Variants in NDE1 observed in about 807,000 individuals in gnomAD.
NDE1 encodes the protein nuclear distribution protein nudE homolog 1.
Under a neutral mutation model 43.4 loss-of-function variants are expected in NDE1, and 28 were observed. The observed-to-expected ratio is 0.65, with a 90% confidence interval of 0.48 to 0.89. The LOEUF is 0.89. Ranked by LOEUF, NDE1 falls within the 40% of genes least tolerant of loss-of-function variation. The probability of loss-of-function intolerance (pLI) is 0.00; values close to 1 mark genes in which losing one functional copy is unlikely to be tolerated. For synonymous variants in NDE1, 184 were observed against 172.0 expected (o/e 1.07, Z -0.55); for missense variants, 441 against 434.1 (o/e 1.02, Z -0.14).
chr16:15,664,476 C>T (rs2037201495), intron 1 of NDE1, among the ~76,000 whole-genome samples: 1 of 152,076 alleles, frequency 6.6e-6, no homozygotes, highest in African/African-American at 2.4e-5. Flanking sequence ...CCTGCCTCAG[C>T]CTCCTGAGTA....
chr16:15,720,796 G>A (rs768483584), intron 8 of NDE1: 1 of 1,598,990 alleles, frequency 6.3e-7, no homozygotes, highest in East Asian at 2.2e-5. Flanking sequence ...GAATGAAAAA[G>A]GCCACCCGAC....
At chr16:15,685,141 C>A (rs910223904) in intron 4 of NDE1, among the ~76,000 whole-genome samples, 1 of 152,244 alleles carries the variant, frequency 6.6e-6, no homozygotes, top group Non-Finnish European at 1.5e-5. Context: ...CTGTACTACT[C>A]TACATATTAT....
intron 1 of NDE1, among the ~76,000 whole-genome samples, chr16:15,652,702 C>T (rs754955061): frequency 3.3e-5 from 5 of 152,104 alleles, no homozygotes; most frequent in African/African-American, 4.8e-5. Flanking sequence ...CTCACTCTGT[C>T]GCCCAAGCTG....
At chr16:15,705,445 A>G (rs748799237) in intron 8 of NDE1, among the ~76,000 whole-genome samples, 7 of 152,196 alleles carry the variant, frequency 4.6e-5, no homozygotes, top group Admixed American at 2.6e-4. Flanking sequence ...AGTGGGCAGA[A>G]GAAGGAAAAA....
chr16:15,711,208 C>G (rs1456930006), intron 8 of NDE1: 1 of 152,356 alleles, frequency 6.6e-6, no homozygotes, highest in Admixed American at 6.5e-5. Flanking sequence ...CCCTGTCTCA[C>G]GCAGTGGTCC....
At position 15,720,254 on chromosome 16, in the gene NDE1, G is replaced by A. The variant is rs767053316; in HGVS notation, c.948-3937G>A. The A allele has an allele frequency of 9.9e-6, 16 of 1,614,006 alleles. No individual in the cohort carries two copies. Among genetic ancestry groups the A allele is most frequent in the Non-Finnish European group, 1.3e-5 (15 of 1,180,018 alleles). ...GTCCCCTTCCAGCTTCTTCTTTGCT[G>A]CAGCTGCCAGGGCACGTTGCTTTCG... On this transcript the variant is annotated intron_variant, in intron 8 of 8. Coordinates refer to ENST00000396354, the MANE Select transcript of NDE1 (RefSeq NM_017668.3).
chr16:15,702,168 C>G (rs1487255740), intron 8 of NDE1: 3 of 152,168 alleles, frequency 2.0e-5, no homozygotes, highest in Admixed American at 2.0e-4. Flanking sequence ...CTGTCTGATC[C>G]CATGGAGTTG....
intron 8 of NDE1, among the ~76,000 whole-genome samples, chr16:15,722,543 T>C (rs1382258558): frequency 6.6e-6 from 1 of 152,168 alleles, no homozygotes; most frequent in Non-Finnish European, 1.5e-5. Flanking sequence ...CTACACTCTA[T>C]GTGACAGGAA....
At chr16:15,670,657 C>CAA (rs10717229) in intron 3 of NDE1, among the ~76,000 whole-genome samples, 55 of 128,772 alleles carry the variant, frequency 4.3e-4, no homozygotes, top group African/African-American at 1.7e-3. Context: ...AACTCTGTCT[C>CAA]AAAAAAAAAA....
At chr16:15,674,286 C>T (rs918674625) in intron 3 of NDE1, among the ~76,000 whole-genome samples, 8 of 152,094 alleles carry the variant, frequency 5.3e-5, no homozygotes, top group Admixed American at 1.3e-4. Flanking sequence ...GTTCGTCGCC[C>T]AGACTAGAGA....
At chr16:15,710,758 G>C (rs925075149) in intron 8 of NDE1, among the ~76,000 whole-genome samples, 2 of 151,942 alleles carry the variant, frequency 1.3e-5, no homozygotes, top group South Asian at 4.2e-4. Flanking sequence ...CTCACTGCAG[G>C]CTCCTCCTCC....
intron 7 of NDE1, 112 bp from the exon 8 acceptor site, chr16:15,696,597 G>A (rs1035948543): frequency 3.8e-6 from 6 of 1,587,288 alleles, no homozygotes; most frequent in Non-Finnish European, 5.1e-6. Flanking sequence ...TGGAATTCCA[G>A]TGCACAACAG....
intron 8 of NDE1, chr16:15,721,545 G>A: frequency 6.2e-7 from 1 of 1,614,172 alleles, no homozygotes; most frequent in Middle Eastern, 1.6e-4. Context: ...CCAGGGACAG[G>A]GCCTTGGTTT....
intron 8 of NDE1, among the ~76,000 whole-genome samples, chr16:15,704,286 T>G (rs2039335758): frequency 6.6e-6 from 1 of 152,168 alleles, no homozygotes; most frequent in African/African-American, 2.4e-5. Context: ...GATATTCAAG[T>G]TGAAGTCAAC....
intron 8 of NDE1, among the ~76,000 whole-genome samples, chr16:15,709,576 A>G (rs2039664237): frequency 6.6e-6 from 1 of 152,154 alleles, no homozygotes; most frequent in Non-Finnish European, 1.5e-5. Flanking sequence ...CGGCCTCCCA[A>G]AGAGCTGGGA....
rs774532262 is a variant in NDE1, at chr16:15,691,186, C to G, written c.566C>G (p.Pro189Arg). 2.5e-6 allele frequency: 4 copies of G among 1,613,972 alleles called. No homozygotes were observed. In the African/African-American group the frequency reaches 4.0e-5, roughly 16 times the overall value. ...ELAVQQKQEK[P>R]RTPMPSSVEA... is the part of the protein sequence containing the mutation. ...GCCGTGCAGCAGAAGCAGGAGAAACCCAGGACCCCCATGCCCAGCTCAGTG... is the reference window on the plus strand; with the variant it reads ...GCCGTGCAGCAGAAGCAGGAGAAACGCAGGACCCCCATGCCCAGCTCAGTG... The change falls in exon 6 of 9, where the codon CCC becomes CGC. Residue 189 changes from proline to arginine, a missense_variant. Physicochemically the swap from Pro to Arg is moderately radical, Grantham distance 103. Coordinates refer to ENST00000396354, the MANE Select transcript of NDE1 (RefSeq NM_017668.3).
intron 3 of NDE1, among the ~76,000 whole-genome samples, chr16:15,674,628 A>G (rs1490518137): frequency 2.0e-5 from 3 of 152,182 alleles, no homozygotes; most frequent in Non-Finnish European, 2.9e-5. Flanking sequence ...TCAAAAATTC[A>G]GAATAATTGA....
chr16:15,719,618 C>T, intron 8 of NDE1: 1 of 1,614,192 alleles, frequency 6.2e-7, no homozygotes, highest in Middle Eastern at 1.7e-4. Flanking sequence ...CTTCCAAGCT[C>T]TTGGCTTTCT....
At chr16:15,720,909 C>A (rs2040436843) in intron 8 of NDE1, 1 of 1,613,866 alleles carries the variant, frequency 6.2e-7, no homozygotes, top group Admixed American at 1.7e-5. Context: ...TTCGAACTGG[C>A]CCTTGAGCGC....
Sources: gnomAD v4.1 joint callset for allele counts (sites outside exome capture counted in the v4.1 genomes callset) on GRCh38, gnomAD v4.1.1 for gene constraint, MANE v1.5 for transcripts, NCBI Gene and HGNC (gene_info 2026-07-23, HGNC 2026-07-21) for gene names.